Variants in CENPQ observed in about 807,000 individuals in gnomAD.
CENPQ encodes the protein chromosome 6 open reading frame 139.
In CENPQ, 27 loss-of-function variants were observed where a neutral mutation model predicts 36.6. The ratio of observed to expected loss-of-function variants is 0.74; its 90% CI spans 0.54 to 1.02. The LOEUF is 1.02. CENPQ is among the 50% of genes least tolerant of loss of function. The probability of loss-of-function intolerance (pLI) is 0.00; values close to 1 mark genes in which losing one functional copy is unlikely to be tolerated. For synonymous variants in CENPQ, 101 were observed against 101.7 expected (o/e 0.99, Z 0.04); for missense variants, 306 against 301.8 (o/e 1.01, Z -0.10).
intron 1 of CENPQ, among the ~76,000 whole-genome samples, chr6:49,467,678 C>T (rs968881932): frequency 4.6e-5 from 7 of 151,940 alleles, no homozygotes; most frequent in Non-Finnish European, 7.4e-5. Context: ...TTTGGAGTAG[C>T]GCTAAATTAC....
At chr6:49,464,888 C>T (rs1581840902) in intron 1 of CENPQ, among the ~76,000 whole-genome samples, 1 of 152,188 alleles carries the variant, frequency 6.6e-6, no homozygotes, top group African/African-American at 2.4e-5. Flanking sequence ...TTTTTCCAGA[C>T]TCCTGTTAAT....
At position 49,488,692 on chromosome 6, in the gene CENPQ, C is replaced by T. The variant is rs1462283030; in HGVS notation, c.675+8C>T. ...AAAGCACCCACACTTCAGGTAAGTG[C>T]CTATTTACCATATTGATTACAGGCA... is the stretch of plus-strand genomic sequence containing the variant. On this transcript the variant is annotated splice_region_variant and intron_variant, in intron 8 of 8. Coordinates refer to ENST00000335783, the MANE Select transcript of CENPQ (RefSeq NM_018132.4). 1.0e-5 allele frequency: 16 copies of T among 1,603,126 alleles called. No homozygotes were observed. Among genetic ancestry groups the T allele is most frequent in the Non-Finnish European group, 1.3e-5 (15 of 1,170,406 alleles).
chr6:49,472,067 A>G lies in CENPQ; in HGVS notation c.162A>G (p.Gln54=). 6.2e-7 allele frequency: 1 copy of G among 1,611,490 alleles called. No homozygotes were observed. Among genetic ancestry groups the G allele is most frequent in the Non-Finnish European group, 8.5e-7 (1 of 1,178,928 alleles). The part of the protein sequence containing the change: ...NHLKDLSSEG[Q]TKHTNLKHGK... ...CTCTTCTATTACTAACGACAGGACA[A>G]ACAAAGCACACTAACCTAAAACACG... The change falls in exon 4 of 9, where the codon CAA becomes CAG. Residue 54 remains glutamine (Q), a synonymous_variant. Coordinates refer to ENST00000335783, the MANE Select transcript of CENPQ (RefSeq NM_018132.4).
rs577182586 is a variant in CENPQ, at chr6:49,465,752, T to C, written c.-19+2299T>C. Among the ~76,000 whole-genome samples the C allele has an allele frequency of 2.0e-5, 3 of 152,360 alleles. No homozygotes were observed. In the South Asian group the frequency reaches 6.2e-4, roughly 32 times the overall value. Reference sequence around the variant, plus strand: ...ATTGAAGTGAGTTAAGACCTTGCCATGAATTCGTCTTTGGTTTAAGGGCGT... The same window carrying C: ...ATTGAAGTGAGTTAAGACCTTGCCACGAATTCGTCTTTGGTTTAAGGGCGT... On this transcript the variant is annotated intron_variant, in intron 1 of 8. Coordinates refer to ENST00000335783, the MANE Select transcript of CENPQ (RefSeq NM_018132.4).
In CENPQ at chr6:49,472,853, G is replaced by A. The variant is rs1199022064; in HGVS notation, c.342G>A (p.Lys114=). 1.4e-6 allele frequency: 2 copies of A among 1,433,664 alleles called. No homozygotes were observed. The highest frequency in any genetic ancestry group is 1.3e-5 in the South Asian group (1 of 76,244). 88.8% of individuals were successfully genotyped at this position (1,433,664 alleles called of 1,614,324 possible). ...EEIQYHLNFL[K]KRLLQQCETL... ...TACAATACCATCTCAACTTCCTGAAGAAAAGGTAATACTATTGCATAATTA... is the reference window on the plus strand; with the variant it reads ...TACAATACCATCTCAACTTCCTGAAAAAAAGGTAATACTATTGCATAATTA... The change falls in exon 5 of 9, where the codon AAG becomes AAA. Residue 114 remains lysine (K), a synonymous_variant. Transcript: ENST00000335783.
chr6:49,469,560 C>T (rs969759292), intron 1 of CENPQ, among the ~76,000 whole-genome samples: 1 of 152,084 alleles, frequency 6.6e-6, no homozygotes, highest in Non-Finnish European at 1.5e-5. Flanking sequence ...TGTGGGAGGG[C>T]AGGGTATTCA....
chr6:49,492,179 T>C lies in CENPQ; in HGVS notation c.711T>C (p.Ala237=), dbSNP rs780968003. 6.2e-7 allele frequency: 1 copy of C among 1,605,644 alleles called. No homozygotes were observed. Among genetic ancestry groups the C allele is most frequent in the Admixed American group, 1.7e-5 (1 of 58,490 alleles). The change falls in exon 9 of 9, where the codon GCT becomes GCC. Residue 237 remains alanine, a synonymous_variant. Transcript: ENST00000335783. ...TGGCGCTAATTCCAAACCAGAATGC[T>C]CTTCTAAAGGACTTGGATATTCTTC... ...EILALIPNQN[A]LLKDLDILHN...
intron 6 of CENPQ, among the ~76,000 whole-genome samples, chr6:49,485,817 AAAG>A (rs1206244723): frequency 6.6e-6 from 1 of 152,156 alleles, no homozygotes; most frequent in East Asian, 1.9e-4. Context: ...AAAAAACCTC[AAAG>A]AAGATACCAT....
intron 8 of CENPQ, among the ~76,000 whole-genome samples, chr6:49,490,155 ATGC>A (rs1768686475): frequency 6.6e-6 from 1 of 152,220 alleles, no homozygotes. Flanking sequence ...TTCCAATAGA[ATGC>A]TGTTTTATTT....
At chr6:49,469,248 A>C (rs1447121813) in intron 1 of CENPQ, among the ~76,000 whole-genome samples, 1 of 152,242 alleles carries the variant, frequency 6.6e-6, no homozygotes, top group Non-Finnish European at 1.5e-5. Context: ...TCAGTATAAT[A>C]ATTCTGAATG....
chr6:49,476,095 A>T (rs966973279), intron 5 of CENPQ, among the ~76,000 whole-genome samples: 13 of 152,182 alleles, frequency 8.5e-5, no homozygotes, highest in Admixed American at 3.3e-4. Flanking sequence ...TATGGAACCA[A>T]AAAAGGGCCC....
intron 6 of CENPQ, among the ~76,000 whole-genome samples, chr6:49,484,862 G>A (rs757135642): frequency 2.0e-5 from 3 of 152,052 alleles, no homozygotes; most frequent in Non-Finnish European, 2.9e-5. Flanking sequence ...CTTAGATGAC[G>A]TTTATTTAGG....
chr6:49,492,114 C>T, intron 8 of CENPQ, 30 bp from the exon 9 acceptor site: 1 of 1,551,816 alleles, frequency 6.4e-7, no homozygotes, highest in Non-Finnish European at 8.8e-7. Flanking sequence ...AAAATGTTAA[C>T]AACTACATTT....
At chr6:49,474,259 A>G (rs998403842) in intron 5 of CENPQ, among the ~76,000 whole-genome samples, 2 of 152,238 alleles carry the variant, frequency 1.3e-5, no homozygotes, top group Non-Finnish European at 2.9e-5. Context: ...TTGACCACAT[A>G]GTTGGAAGTG....
chr6:49,492,281 G>T lies in CENPQ; in HGVS notation c.*6G>T. On this transcript the variant is annotated 3_prime_UTR_variant, in exon 9 of 9. Transcript: ENST00000335783. ...AGAAACTGGATGCATCTTAAAGAGT[G>T]TTTTTTTTTTAGATTGTTCCATATT... 11 of 1,251,502 alleles carry T rather than the reference G, an allele frequency of 8.8e-6. No individual in the cohort carries two copies. The highest frequency in any genetic ancestry group is 6.2e-5 in the African/African-American group (4 of 64,052). The allele number at this position is 1,251,502 out of a possible 1,614,324, so 77.5% of individuals were successfully genotyped here. A position where few individuals can be genotyped will look rare whatever the true frequency, so the allele number is the denominator to read the frequency against.
At position 49,479,254 on chromosome 6, in the gene CENPQ, ACT is replaced by A. The variant is rs367857703; in HGVS notation, c.348-1694_348-1693del. Among the ~76,000 whole-genome samples the A allele has an allele frequency of 4.3e-3, 647 of 152,180 alleles. 3 individuals carry two copies. Among genetic ancestry groups the A allele is most frequent in the African/African-American group, 0.014 (563 of 41,510 alleles). Reference sequence around the variant, plus strand: ...GCATCAAACAAAGGTCTGTATCAAGACTCTATTAGAAACTTAAACAAATTAGC... The same window carrying A: ...GCATCAAACAAAGGTCTGTATCAAGACTATTAGAAACTTAAACAAATTAGC... On this transcript the variant is annotated intron_variant, in intron 5 of 8. Transcript: ENST00000335783.
At chr6:49,487,416 C>G (rs1467566709) in intron 6 of CENPQ, among the ~76,000 whole-genome samples, 3 of 138,246 alleles carry the variant, frequency 2.2e-5, no homozygotes, top group Non-Finnish European at 4.6e-5. Flanking sequence ...ACAAAAACAT[C>G]CCATGGGCAA....
intron 1 of CENPQ, among the ~76,000 whole-genome samples, chr6:49,467,490 G>A (rs1768030644): frequency 6.6e-6 from 1 of 151,988 alleles, no homozygotes; most frequent in African/African-American, 2.4e-5. Context: ...AAACTGTTCT[G>A]AAAAAAGTCT....
chr6:49,467,981 G>A (rs7750700), intron 1 of CENPQ, among the ~76,000 whole-genome samples: 31,966 of 152,068 alleles, frequency 0.21, 3,604 homozygotes, highest in South Asian at 0.28. Flanking sequence ...AGTAGTAGGA[G>A]AGAAGTATGA....
Sources: gnomAD v4.1 joint callset for allele counts (sites outside exome capture counted in the v4.1 genomes callset) on GRCh38, gnomAD v4.1.1 for gene constraint, MANE v1.5 for transcripts, NCBI Gene and HGNC (gene_info 2026-07-23, HGNC 2026-07-21) for gene names.